DACT2: variants seen among roughly 807,000 people sequenced by gnomAD.
The protein encoded by DACT2 is dapper homolog 2.
Under a neutral mutation model 22.2 loss-of-function variants are expected in DACT2, and 20 were observed. That is an observed-to-expected ratio of 0.90 (90% CI 0.63 to 1.31). The LOEUF (loss-of-function observed/expected upper bound fraction) is 1.31, where lower values mean the gene tolerates loss of function less well. DACT2 is among the 50% of genes most tolerant of loss of function. The probability of loss-of-function intolerance (pLI) is 0.00; values close to 1 mark genes in which losing one functional copy is unlikely to be tolerated. For synonymous variants in DACT2, 463 were observed against 479.8 expected (o/e 0.96, Z 0.46); for missense variants, 1,048 against 1,061.4 (o/e 0.99, Z 0.18).
chr6:168,313,024 G>A (rs1779458702), intron 1 of DACT2, among the ~76,000 whole-genome samples: 1 of 152,182 alleles, frequency 6.6e-6, no homozygotes, highest in African/African-American at 2.4e-5. Flanking sequence ...AACCTCCAAA[G>A]TTTGCACAGT....
rs1554271725 is a variant in DACT2 at position 168,311,597 on chromosome 6, T to TCC, written c.247-314_247-313insGG. 3.0e-4 allele frequency among the ~76,000 whole-genome samples: 30 copies of TCC among 100,544 alleles called. No individual in the cohort carries two copies. In the East Asian group the frequency reaches 4.1e-3, roughly 14 times the overall value. The allele number at this position is 100,544 out of a possible 152,430, so 66.0% of individuals were successfully genotyped here. A position where few individuals can be genotyped will look rare whatever the true frequency, so the allele number is the denominator to read the frequency against. On this transcript the variant is annotated intron_variant, in intron 1 of 3. Transcript: ENST00000366795. ...ACACACACCCATCCACACACACACA[T>TCC]ACACACACACTCACACAAACACACA...
At position 168,294,687 on chromosome 6, in the gene DACT2, CT is replaced by C. The variant is rs1289452075; in HGVS notation, c.675del (p.Gly226ValfsTer17). 2.0e-6 allele frequency: 3 copies of C among 1,498,048 alleles called. No individual in the cohort carries two copies. The highest frequency in any genetic ancestry group is 2.7e-6 in the Non-Finnish European group (3 of 1,129,260). The allele number at this position is 1,498,048 out of a possible 1,614,324, so 92.8% of individuals were successfully genotyped here. A position where few individuals can be genotyped will look rare whatever the true frequency, so the allele number is the denominator to read the frequency against. On this transcript the variant is annotated frameshift_variant, in exon 4 of 6. Coordinates refer to the DACT2 transcript ENST00000366796. LOFTEE classifies it high-confidence loss of function. ...GGCGGAGCATGCATGTCAAGTTCACCTGGAGCATTGCACAGCTCTGGTAAGA... is the reference window on the plus strand; with the variant it reads ...GGCGGAGCATGCATGTCAAGTTCACCGGAGCATTGCACAGCTCTGGTAAGA...
In DACT2 at chr6:168,307,407, C is replaced by A; in HGVS notation, c.*25G>T. 1 of 1,550,734 alleles carries A rather than the reference C, an allele frequency of 6.4e-7. No homozygotes were observed. Among genetic ancestry groups the A allele is most frequent in the East Asian group, 2.4e-5 (1 of 40,894 alleles). ...GGAAAGGGCCCCTGTGTGCAGCAGGCTTCTCTTGACGCAGTCACTGCACCT... is the reference window on the plus strand; with the variant it reads ...GGAAAGGGCCCCTGTGTGCAGCAGGATTCTCTTGACGCAGTCACTGCACCT... On this transcript the variant is annotated 3_prime_UTR_variant, in exon 4 of 4. Coordinates refer to ENST00000366795, the MANE Select transcript of DACT2 (RefSeq NM_214462.5). This position sits in a 1 kb window ranked among gnomAD's most constrained non-coding sequence, Gnocchi z 5.3.
At chr6:168,294,706 T>TG in intron 3 of DACT2, 1 of 1,470,854 alleles carries the variant, frequency 6.8e-7, no homozygotes. Flanking sequence ...TGCACAGCTC[T>TG]GGTAAGAACA....
chr6:168,307,109 G>A lies in DACT2; in HGVS notation c.*323C>T. The A allele has an allele frequency of 8.9e-7, 1 of 1,122,704 alleles. No individual in the cohort carries two copies. The allele number at this position is 1,122,704 out of a possible 1,614,324, so 69.5% of individuals were successfully genotyped here. On this transcript the variant is annotated 3_prime_UTR_variant, in exon 4 of 4. Coordinates refer to ENST00000366795, the MANE Select transcript of DACT2 (RefSeq NM_214462.5). This position sits in a 1 kb window ranked among gnomAD's most constrained non-coding sequence, Gnocchi z 5.3. The stretch of plus-strand genomic sequence containing the variant: ...CCAGCCAGAGGGGAGTGAGGGCAGG[G>A]GAAGCCATGGGAGGATGACAACATG...
At chr6:168,310,477 C>A (rs571187872) in intron 2 of DACT2, 31 bp from the exon 3 acceptor site, 2 of 1,531,284 alleles carry the variant, frequency 1.3e-6, no homozygotes, top group East Asian at 4.9e-5. Context: ...AGGTCAGTGA[C>A]CCCCATCCAG....
In DACT2 at chr6:168,294,321, G is replaced by A. The variant is rs981823868; in HGVS notation, c.731-124C>T. 6.7e-5 allele frequency: 46 copies of A among 685,622 alleles called. 1 individual carries two copies. Among genetic ancestry groups the A allele is most frequent in the South Asian group, 4.9e-4 (32 of 64,682 alleles). 42.5% of individuals were successfully genotyped at this position (685,622 alleles called of 1,614,324 possible). ...GTGAGGACACAGAGGAAGGGGAAGA[G>A]GACGGCCACGCTTCTCCCCTCCTAG... is the stretch of plus-strand genomic sequence containing the variant. On this transcript the variant is annotated intron_variant, in intron 4 of 5. Coordinates refer to the DACT2 transcript ENST00000366796.
chr6:168,304,564 C>T (rs866479132), downstream of DACT2, among the ~76,000 whole-genome samples: 3 of 152,214 alleles, frequency 2.0e-5, no homozygotes, highest in African/African-American at 4.8e-5. Flanking sequence ...GGTGCCTGGG[C>T]GATGTTTGCA....
At chr6:168,301,015 A>AAAAAAC (rs200464016) in intron 3 of DACT2, among the ~76,000 whole-genome samples, 2 of 152,158 alleles carry the variant, frequency 1.3e-5, no homozygotes, top group African/African-American at 2.4e-5. Context: ...ACAAAAAAAC[A>AAAAAAC]AAAAACAAAA....
intron 3 of DACT2, among the ~76,000 whole-genome samples, chr6:168,309,523 C>A (rs893230753): frequency 1.3e-5 from 1 of 74,470 alleles, no homozygotes; most frequent in African/African-American, 5.0e-5. Flanking sequence ...CTGCCCGTTG[C>A]GGGAGAGTGC....
chr6:168,311,034 C>T (rs1328251372), intron 2 of DACT2, 118 bp downstream of exon 2: 32 of 1,333,276 alleles, frequency 2.4e-5, no homozygotes, highest in South Asian at 5.5e-5. Flanking sequence ...TCTCCCTGCA[C>T]GGACACTAGG....
chr6:168,306,073 A>G (rs942327335), downstream of DACT2, among the ~76,000 whole-genome samples: 3 of 152,154 alleles, frequency 2.0e-5, no homozygotes, highest in Non-Finnish European at 4.4e-5. Context: ...TCCAGACGTG[A>G]AGTTCCTTAC....
Position 168,307,864 on chromosome 6 carries a change from G to A in DACT2, c.1893C>T (p.Pro631=), listed in dbSNP as rs1247066103. The A allele has an allele frequency of 5.2e-6, 8 of 1,539,322 alleles. No homozygotes were observed. The highest frequency in any genetic ancestry group is 7.0e-6 in the Non-Finnish European group (8 of 1,146,110). ...CTGCTCTCCTGGCCACGGGCCTGGG[G>A]GGCCCCAGGTTAGACTCAGGACAGC... is the stretch of plus-strand genomic sequence containing the variant. ...LASCPESNLG[P]PRPVARRAGG... The change falls in exon 4 of 4, where the codon CCC becomes CCT. Residue 631 remains proline (P), a synonymous_variant. Coordinates refer to ENST00000366795, the MANE Select transcript of DACT2 (RefSeq NM_214462.5). The surrounding 1 kb of genome is among the most constrained non-coding windows in gnomAD (Gnocchi z 5.3).
At chr6:168,304,156 C>T (rs1373612543), downstream of DACT2, among the ~76,000 whole-genome samples, 1 of 152,228 alleles carries the variant, frequency 6.6e-6, no homozygotes, top group Non-Finnish European at 1.5e-5. Flanking sequence ...CCCCCGTCAT[C>T]TAATCAATCA....
rs969956088 is a variant in DACT2, at chr6:168,308,165, G to A, written c.1592C>T (p.Ser531Phe). The A allele has an allele frequency of 1.9e-6, 3 of 1,550,896 alleles. No individual in the cohort carries two copies. Among genetic ancestry groups the A allele is most frequent in the Non-Finnish European group, 2.6e-6 (3 of 1,146,956 alleles). ...CCAGTGGGCAGGGTCCCACTCCAGG[G>A]ATGGCTGGGGGGCTGCATGGGCTCC... ...PEGAHAAPQP[S>F]LEWDPAHWPT... The change falls in exon 4 of 4, where the codon TCC becomes TTC. Residue 531 changes from serine (S) to phenylalanine (F), a missense_variant. By Grantham distance (155) the Ser-to-Phe change is radical. Transcript: ENST00000366795.
rs1037236107 is a variant in DACT2, at chr6:168,308,557, C to T, written c.1200G>A (p.Arg400=). 3.2e-6 allele frequency: 5 copies of T among 1,549,568 alleles called. No homozygotes were observed. The African/African-American group carries it at 6.8e-5, about 21-fold the overall frequency. The change falls in exon 4 of 4, where the codon AGG becomes AGA. Residue 400 remains arginine (R), a synonymous_variant. Coordinates refer to ENST00000366795, the MANE Select transcript of DACT2 (RefSeq NM_214462.5). ...GGPAQSRGAG[R]GGPQQQGYMP... Reference sequence around the variant, plus strand: ...TGTATCCCTGCTGCTGGGGCCCGCCCCTGCCGGCACCCCTGCTCTGAGCTG... The same window carrying T: ...TGTATCCCTGCTGCTGGGGCCCGCCTCTGCCGGCACCCCTGCTCTGAGCTG...
chr6:168,309,777 T>C (rs1336453734), intron 3 of DACT2, among the ~76,000 whole-genome samples: 2 of 152,202 alleles, frequency 1.3e-5, no homozygotes, highest in African/African-American at 4.8e-5. Context: ...TTGGAGACAG[T>C]CTGAAGACAA....
rs567273803 is a variant in DACT2, at chr6:168,297,616, G to A, written c.659-2912C>T. Among the ~76,000 whole-genome samples, 11 of 152,342 alleles carry A rather than the reference G, an allele frequency of 7.2e-5. No individual in the cohort carries two copies. The East Asian group carries it at 2.1e-3, about 29-fold the overall frequency. ...ACCTCCGCCCTCCAGAATGGTAGGA[G>A]GATAAATTTGCTGTGTTTTAAGCCC... On this transcript the variant is annotated intron_variant, in intron 3 of 5. Transcript: ENST00000366796.
chr6:168,313,590 TG>T (rs1779475747), intron 1 of DACT2, among the ~76,000 whole-genome samples: 1 of 152,158 alleles, frequency 6.6e-6, no homozygotes. Flanking sequence ...ACAAAGGGGC[TG>T]GGTGGATCCT....
Sources: gnomAD v4.1 joint callset for allele counts (sites outside exome capture counted in the v4.1 genomes callset) on GRCh38, gnomAD v4.1.1 for gene constraint, Gnocchi (gnomAD v3.1) non-coding constraint, MANE v1.5 for transcripts, NCBI Gene and HGNC (gene_info 2026-07-23, HGNC 2026-07-21) for gene names.